Variants in PHACTR1 observed in about 807,000 individuals in gnomAD.
The protein encoded by PHACTR1 is RPEL repeat containing 1.
In PHACTR1, 16 loss-of-function variants were observed where a neutral mutation model predicts 69.2. The ratio of observed to expected loss-of-function variants is 0.23; its 90% CI spans 0.16 to 0.35. PHACTR1 has a LOEUF of 0.35. PHACTR1 is among the 10% of genes least tolerant of loss of function. The pLI is 1.00. For synonymous variants in PHACTR1, 312 were observed against 284.5 expected, an observed-to-expected ratio of 1.10 and a Z score of -0.97; for missense variants, 510 against 734.7, an observed-to-expected ratio of 0.69 and a Z score of 3.54.
At chr6:13,279,031 CTTTT>C (rs5874408) in intron 12 of PHACTR1, among the ~76,000 whole-genome samples, 1 of 139,216 alleles carries the variant, frequency 7.2e-6, no homozygotes. Flanking sequence ...AAAGTATAGA[CTTTT>C]TTTTTTTTTT....
intron 4 of PHACTR1, among the ~76,000 whole-genome samples, chr6:12,823,110 G>A (rs1209233552): frequency 6.6e-6 from 1 of 152,158 alleles, no homozygotes. Flanking sequence ...TGCAGACATC[G>A]CCTAATTATG....
intron 4 of PHACTR1, among the ~76,000 whole-genome samples, chr6:12,759,064 C>T (rs544531037): frequency 2.2e-5 from 3 of 133,944 alleles, no homozygotes; most frequent in African/African-American, 5.7e-5. Context: ...GCAGAGGTTG[C>T]GGTGAGCCAA....
chr6:12,816,783 A>G (rs930920249), intron 4 of PHACTR1, among the ~76,000 whole-genome samples: 1 of 152,204 alleles, frequency 6.6e-6, no homozygotes, highest in African/African-American at 2.4e-5. Flanking sequence ...TGTCAAAAGA[A>G]TTCAGGAGTC....
chr6:13,089,454 G>A (rs932583280), intron 5 of PHACTR1, among the ~76,000 whole-genome samples: 1 of 152,176 alleles, frequency 6.6e-6, no homozygotes, highest in African/African-American at 2.4e-5. Flanking sequence ...TTGGGTCTCA[G>A]TGTGCAGCCA....
intron 4 of PHACTR1, among the ~76,000 whole-genome samples, chr6:13,050,053 T>C (rs563863593): frequency 6.6e-6 from 1 of 152,200 alleles, no homozygotes; most frequent in Non-Finnish European, 1.5e-5. Flanking sequence ...CTCTGGACTA[T>C]GGTGACTTTG....
At chr6:12,876,792 T>C (rs1035134624) in intron 4 of PHACTR1, among the ~76,000 whole-genome samples, 2 of 152,128 alleles carry the variant, frequency 1.3e-5, no homozygotes, top group African/African-American at 4.8e-5. Flanking sequence ...AATTGGCTCA[T>C]AGGATATGGA....
chr6:13,021,029 G>A (rs1379902016), intron 4 of PHACTR1, among the ~76,000 whole-genome samples: 1 of 152,182 alleles, frequency 6.6e-6, no homozygotes, highest in Non-Finnish European at 1.5e-5. Context: ...ACGCACCACA[G>A]AGTTCACTAA....
intron 10 of PHACTR1, among the ~76,000 whole-genome samples, chr6:13,234,902 G>C (rs1367023460): frequency 6.6e-6 from 1 of 152,206 alleles, no homozygotes; most frequent in East Asian, 1.9e-4. Flanking sequence ...CCAAGGGGTG[G>C]TGAATGATGC....
intron 5 of PHACTR1, among the ~76,000 whole-genome samples, chr6:13,134,084 A>G (rs1314018278): frequency 1.3e-5 from 2 of 151,030 alleles, no homozygotes; most frequent in Non-Finnish European, 3.0e-5. Flanking sequence ...AGAAGTGAGG[A>G]GCCCCTCCGC....
At chr6:13,188,851 T>G (rs1248179371) in intron 7 of PHACTR1, among the ~76,000 whole-genome samples, 1 of 152,230 alleles carries the variant, frequency 6.6e-6, no homozygotes, top group Non-Finnish European at 1.5e-5. Flanking sequence ...CAGTTTCCTT[T>G]GTTTCCAGAA....
intron 4 of PHACTR1, among the ~76,000 whole-genome samples, chr6:12,779,276 G>A (rs964978016): frequency 6.6e-5 from 10 of 152,184 alleles, no homozygotes; most frequent in African/African-American, 2.4e-4. Flanking sequence ...CAGAGATTGC[G>A]GTGAGCTGAG....
intron 4 of PHACTR1, among the ~76,000 whole-genome samples, chr6:12,874,636 C>T (rs920654717): frequency 1.3e-5 from 2 of 152,186 alleles, no homozygotes; most frequent in African/African-American, 2.4e-5. Context: ...ACATCCTCCT[C>T]CTATCTGCAA....
At chr6:13,135,908 G>GA (rs897954851) in intron 5 of PHACTR1, among the ~76,000 whole-genome samples, 39 of 148,522 alleles carry the variant, frequency 2.6e-4, no homozygotes, top group African/African-American at 9.6e-4. Context: ...ATTTGAAATA[G>GA]AAAAAAAAAG....
chr6:12,998,134 A>G (rs1797652746), intron 4 of PHACTR1, among the ~76,000 whole-genome samples: 1 of 152,162 alleles, frequency 6.6e-6, no homozygotes, highest in African/African-American at 2.4e-5. Context: ...ACTGCGCAAT[A>G]TGCAGTACTC....
intron 4 of PHACTR1, chr6:12,933,677 G>C (rs1582566002): frequency 6.2e-7 from 1 of 1,612,840 alleles, no homozygotes; most frequent in Non-Finnish European, 8.5e-7. Flanking sequence ...AATGGGACCA[G>C]CAGTGCCAAC....
chr6:13,205,683 C>T (rs1765801601), intron 7 of PHACTR1, 132 bp from the exon 8 acceptor site: 2 of 789,908 alleles, frequency 2.5e-6, no homozygotes, highest in African/African-American at 3.5e-5. Context: ...CACGCTGGTG[C>T]CTCCAACTGA....
chr6:13,276,995 G>A (rs920039646), intron 11 of PHACTR1, among the ~76,000 whole-genome samples: 2 of 152,106 alleles, frequency 1.3e-5, no homozygotes, highest in Non-Finnish European at 2.9e-5. Context: ...TTTTACTAAC[G>A]CCATTTGAAA....
At chr6:13,086,094 A>AAAG (rs1474172988) in intron 5 of PHACTR1, among the ~76,000 whole-genome samples, 8 of 150,212 alleles carry the variant, frequency 5.3e-5, no homozygotes, top group African/African-American at 1.9e-4. Context: ...AAAAAAAAAA[A>AAAG]AAAAAAAAAA....
At chr6:13,076,570 C>T (rs1429197585) in intron 5 of PHACTR1, among the ~76,000 whole-genome samples, 1 of 152,112 alleles carries the variant, frequency 6.6e-6, no homozygotes, top group Non-Finnish European at 1.5e-5. Flanking sequence ...ATACTAAGTG[C>T]TAAACCCAGA....
Sources: gnomAD v4.1 joint callset for allele counts (sites outside exome capture counted in the v4.1 genomes callset) on GRCh38, gnomAD v4.1.1 for gene constraint, MANE v1.5 for transcripts, NCBI Gene and HGNC (gene_info 2026-07-23, HGNC 2026-07-21) for gene names.